The following OPCML variants were observed in gnomAD, a reference collection of about 807,000 sequenced individuals.
OPCML encodes opioid binding protein/cell adhesion molecule like.
OPCML carries 13 observed loss-of-function variants against 37.8 expected under a neutral mutation model. That is an observed-to-expected ratio of 0.34 (90% CI 0.22 to 0.55). The LOEUF (loss-of-function observed/expected upper bound fraction) is 0.55, where lower values mean the gene tolerates loss of function less well. Ranked by LOEUF, OPCML falls within the 20% of genes least tolerant of loss-of-function variation. OPCML has a pLI of 0.91. For missense variants in OPCML, 341 were observed against 435.6 expected (o/e 0.78, Z 1.93); for synonymous variants, 176 against 168.8 (o/e 1.04, Z -0.33).
intron 2 of OPCML, among the ~76,000 whole-genome samples, chr11:132,845,703 C>T (rs1228180584): frequency 1.3e-5 from 2 of 152,228 alleles, no homozygotes; most frequent in African/African-American, 4.8e-5. Flanking sequence ...TTCTTATATG[C>T]TCTTCCATAG....
rs545329896 is a variant in OPCML, at chr11:133,377,644, G to T, written c.61+154620C>A. Among the ~76,000 whole-genome samples, 9 of 116,356 alleles carry T rather than the reference G, an allele frequency of 7.7e-5. No individual in the cohort carries two copies. In the East Asian group the frequency reaches 2.4e-3, roughly 31 times the overall value. The allele number at this position is 116,356 out of a possible 152,430, so 76.3% of individuals were successfully genotyped here. ...AAAAAAAAAGAGCACCAAGTCCACA[G>T]GGTCTCCCATTAGAGCAGACATGTG... On this transcript the variant is annotated intron_variant, in intron 1 of 7. Transcript: ENST00000524381.
At chr11:132,531,040 A>T (rs2096323670) in intron 3 of OPCML, among the ~76,000 whole-genome samples, 1 of 152,134 alleles carries the variant, frequency 6.6e-6, no homozygotes, top group African/African-American at 2.4e-5. Flanking sequence ...GGTATTGAAC[A>T]TGCTCTGTGT....
chr11:132,443,561 G>A (rs1021149022), intron 4 of OPCML, among the ~76,000 whole-genome samples: 1 of 152,236 alleles, frequency 6.6e-6, no homozygotes, highest in African/African-American at 2.4e-5. Flanking sequence ...CCACAACTAG[G>A]CTGCCTGAAC....
chr11:133,399,865 TTA>T (rs1491248196), intron 1 of OPCML, among the ~76,000 whole-genome samples: 1 of 148,506 alleles, frequency 6.7e-6, no homozygotes, highest in African/African-American at 2.4e-5. Flanking sequence ...TATATATATA[TTA>T]TATATATATA....
rs549671073 is a variant in OPCML, at chr11:132,514,784, G to A, written c.505+14277C>T. Among the ~76,000 whole-genome samples, 4 of 152,256 alleles carry A rather than the reference G, an allele frequency of 2.6e-5. No homozygotes were observed. In the South Asian group the frequency reaches 6.2e-4, roughly 24 times the overall value. On this transcript the variant is annotated intron_variant, in intron 4 of 7. Transcript: ENST00000524381. ...GTAAAAAGAAGAAGAGTGCAGAGTA[G>A]GGGAGAGAAAGAGGAGTGGGTAGGG...
intron 1 of OPCML, among the ~76,000 whole-genome samples, chr11:132,998,266 T>C (rs1946923200): frequency 6.6e-6 from 1 of 152,198 alleles, no homozygotes; most frequent in South Asian, 2.1e-4. Flanking sequence ...TAGTGTTTGC[T>C]GAATCTAGCT....
intron 1 of OPCML, among the ~76,000 whole-genome samples, chr11:133,395,534 T>G (rs1945266437): frequency 6.6e-6 from 1 of 152,204 alleles, no homozygotes; most frequent in Non-Finnish European, 1.5e-5. Flanking sequence ...TTTGAGGTCT[T>G]AGATTTAAGT....
chr11:132,681,823 C>T (rs1240824932), intron 2 of OPCML, among the ~76,000 whole-genome samples: 3 of 151,934 alleles, frequency 2.0e-5, no homozygotes, highest in East Asian at 1.9e-4. Flanking sequence ...GGGGTGGTGG[C>T]GGGCACCTGT....
At chr11:132,484,606 G>GACAC (rs2096193185) in intron 4 of OPCML, among the ~76,000 whole-genome samples, 1 of 152,130 alleles carries the variant, frequency 6.6e-6, no homozygotes, top group South Asian at 2.1e-4. Flanking sequence ...CTGCTATAAA[G>GACAC]ACACATGCAC....
At chr11:133,106,477 T>C (rs764641303) in intron 1 of OPCML, among the ~76,000 whole-genome samples, 6 of 152,248 alleles carry the variant, frequency 3.9e-5, no homozygotes, top group Non-Finnish European at 5.9e-5. Context: ...CAAGCTTTTA[T>C]GCACATCGCA....
intron 1 of OPCML, among the ~76,000 whole-genome samples, chr11:133,331,056 A>G (rs1390459359): frequency 6.6e-6 from 1 of 152,214 alleles, no homozygotes; most frequent in Non-Finnish European, 1.5e-5. Context: ...ATTGGTGTAG[A>G]TAAAGTGAGG....
At chr11:132,508,840 C>T (rs111339356) in intron 4 of OPCML, among the ~76,000 whole-genome samples, 3,076 of 152,088 alleles carry the variant, frequency 0.02, 119 homozygotes, top group African/African-American at 0.07. Flanking sequence ...TTATCAGCAG[C>T]GTGAAAATGG....
chr11:133,241,942 C>T (rs1018629991), intron 1 of OPCML, among the ~76,000 whole-genome samples: 42 of 152,226 alleles, frequency 2.8e-4, no homozygotes, highest in African/African-American at 1.0e-3. Context: ...AAGGTCCTTC[C>T]CTGGTATCCC....
chr11:132,830,719 C>T (rs1424572860), intron 2 of OPCML, among the ~76,000 whole-genome samples: 1 of 152,214 alleles, frequency 6.6e-6, no homozygotes, highest in Admixed American at 6.5e-5. Context: ...GGTTGCCTTC[C>T]TCTAAAGAAT....
chr11:132,528,287 T>G (rs187496061), intron 4 of OPCML, among the ~76,000 whole-genome samples: 1 of 151,906 alleles, frequency 6.6e-6, no homozygotes, highest in East Asian at 1.9e-4. Flanking sequence ...ACATTTTTCC[T>G]GCTTACTTGG....
At chr11:132,613,329 T>A (rs1308829208) in intron 3 of OPCML, among the ~76,000 whole-genome samples, 1 of 152,200 alleles carries the variant, frequency 6.6e-6, no homozygotes, top group Non-Finnish European at 1.5e-5. Flanking sequence ...TGTTCAGGAA[T>A]CTAAATCGGG....
At chr11:133,365,187 C>G (rs1285513100) in intron 1 of OPCML, 1 of 152,226 alleles carries the variant, frequency 6.6e-6, no homozygotes, top group African/African-American at 2.4e-5. Context: ...TCTTGGAGAC[C>G]ACACTGAGTC....
At chr11:132,697,058 G>A (rs764124446) in intron 2 of OPCML, among the ~76,000 whole-genome samples, 4 of 152,098 alleles carry the variant, frequency 2.6e-5, no homozygotes, top group Non-Finnish European at 5.9e-5. Context: ...ACTGACAACA[G>A]TTGTCTTATT....
At chr11:132,474,578 C>A (rs981264330) in intron 4 of OPCML, among the ~76,000 whole-genome samples, 2 of 152,124 alleles carry the variant, frequency 1.3e-5, no homozygotes, top group East Asian at 1.9e-4. Context: ...GAATCTCAGG[C>A]CTCACTATTT....
Sources: allele counts gnomAD v4.1 joint callset (sites outside exome capture counted in the v4.1 genomes callset), GRCh38; gene constraint gnomAD v4.1.1; transcripts MANE v1.5; gene names NCBI Gene and HGNC (gene_info 2026-07-23, HGNC 2026-07-21).